The following FRMD4B variants were observed in gnomAD, a reference collection of about 807,000 sequenced individuals.
The protein encoded by FRMD4B is FERM domain-containing protein 4B.
A neutral mutation model predicts 141.5 loss-of-function variants in FRMD4B; 74 were observed. The observed-to-expected ratio is 0.52, with a 90% confidence interval of 0.43 to 0.63. The LOEUF is 0.63. Among genes scored for constraint, FRMD4B ranks in the 30% least tolerant of loss-of-function variants. The pLI, the probability that FRMD4B is intolerant of heterozygous loss-of-function variation, is 0.00. For missense variants in FRMD4B, 1,366 were observed against 1,253.4 expected, an observed-to-expected ratio of 1.09 and a Z score of -1.36; for synonymous variants, 506 against 467.9, an observed-to-expected ratio of 1.08 and a Z score of -1.05.
intron 5 of FRMD4B, among the ~76,000 whole-genome samples, chr3:69,253,788 A>C (rs558464325): frequency 6.6e-6 from 1 of 152,356 alleles, no homozygotes; most frequent in South Asian, 2.1e-4. Context: ...TCTTCAATAA[A>C]TAAAAACAGT....
chr3:69,202,163 A>T (rs148073473), intron 11 of FRMD4B, among the ~76,000 whole-genome samples: 1 of 152,238 alleles, frequency 6.6e-6, no homozygotes, highest in East Asian at 1.9e-4. Flanking sequence ...AGATCGCACC[A>T]CTGCACTCCA....
At position 69,287,805 on chromosome 3, in the gene FRMD4B, C is replaced by A; in HGVS notation, c.448G>T (p.Asp150Tyr). 1 of 1,594,782 alleles carries A rather than the reference C, an allele frequency of 6.3e-7. No homozygotes were observed. Among genetic ancestry groups the A allele is most frequent in the African/African-American group, 1.3e-5 (1 of 74,406 alleles). The change falls in exon 5 of 23, where the codon GAT (aspartate) becomes TAT (tyrosine). Residue 150 changes from aspartate (D) to tyrosine (Y), a missense_variant. Coordinates refer to ENST00000398540, the MANE Select transcript of FRMD4B (RefSeq NM_015123.3). ...FYIESISFLK[D>Y]KTTVELFFLN... ...AAAAACAGCTCCACGGTGGTTTTAT[C>A]CTTTAAAAACGATATGCTCTCAATG...
intron 1 of FRMD4B, among the ~76,000 whole-genome samples, chr3:69,341,702 G>C (rs1702743848): frequency 2.0e-5 from 3 of 152,178 alleles, no homozygotes; most frequent in Non-Finnish European, 4.4e-5. Context: ...AGGCCTTTAG[G>C]AGGTGGTTAA....
At chr3:69,452,269 G>A (rs2106891471) in intron 1 of FRMD4B, among the ~76,000 whole-genome samples, 1 of 152,384 alleles carries the variant, frequency 6.6e-6, no homozygotes, top group East Asian at 1.9e-4. Flanking sequence ...TAATAAGTGT[G>A]TATATACAAA....
At chr3:69,211,711 C>T (rs2093081840) in intron 11 of FRMD4B, among the ~76,000 whole-genome samples, 1 of 152,128 alleles carries the variant, frequency 6.6e-6, no homozygotes. Flanking sequence ...ACCTTAAGGC[C>T]TCTCATTATA....
chr3:69,313,387 C>T, intron 2 of FRMD4B, 65 bp downstream of exon 2: 1 of 1,009,382 alleles, frequency 9.9e-7, no homozygotes, highest in Non-Finnish European at 1.5e-6. Flanking sequence ...ATGAGCTGTC[C>T]CCGTGAGGGT....
chr3:69,213,844 T>C (rs1212707131), intron 11 of FRMD4B, among the ~76,000 whole-genome samples: 1 of 151,878 alleles, frequency 6.6e-6, no homozygotes, highest in Non-Finnish European at 1.5e-5. Flanking sequence ...TTAAGTTTTC[T>C]TTTTCTTTTT....
At chr3:69,515,695 G>A (rs572269067) in intron 1 of FRMD4B, among the ~76,000 whole-genome samples, 2 of 152,164 alleles carry the variant, frequency 1.3e-5, no homozygotes, top group South Asian at 2.1e-4. Flanking sequence ...TATAGAATAT[G>A]TATCTAAAGA....
At chr3:69,219,247 T>C (rs1559727524) in intron 9 of FRMD4B, among the ~76,000 whole-genome samples, 3 of 152,146 alleles carry the variant, frequency 2.0e-5, no homozygotes, top group Admixed American at 1.3e-4. Flanking sequence ...GTGTTTATTG[T>C]ACACCTTTAA....
At chr3:69,509,339 T>C (rs372997640) in intron 1 of FRMD4B, among the ~76,000 whole-genome samples, 2 of 152,220 alleles carry the variant, frequency 1.3e-5, no homozygotes, top group East Asian at 3.8e-4. Context: ...AACAGAAACA[T>C]TCATCAGAAT....
intron 2 of FRMD4B, 38 bp from the exon 3 acceptor site, chr3:69,311,395 G>A (rs1248923203): frequency 9.7e-7 from 1 of 1,027,972 alleles, no homozygotes; most frequent in African/African-American, 1.6e-5. Flanking sequence ...CAATTTGGTT[G>A]CCTCTCTCTT....
At chr3:69,252,399 G>T (rs991993722) in intron 5 of FRMD4B, among the ~76,000 whole-genome samples, 1 of 152,138 alleles carries the variant, frequency 6.6e-6, no homozygotes, top group African/African-American at 2.4e-5. Flanking sequence ...GTGACGGTGC[G>T]GTGAAGGAGT....
At chr3:69,200,708 T>A in intron 11 of FRMD4B, 1 of 1,280,840 alleles carries the variant, frequency 7.8e-7, no homozygotes, top group Non-Finnish European at 1.0e-6. Flanking sequence ...TGGAGGGCAG[T>A]TGGGATTTGC....
intron 1 of FRMD4B, among the ~76,000 whole-genome samples, chr3:69,353,246 A>G (rs9862455): frequency 0.022 from 3,363 of 152,310 alleles, 111 homozygotes; most frequent in African/African-American, 0.075. Flanking sequence ...CATTAAAACA[A>G]TGACAGGAAA....
intron 1 of FRMD4B, among the ~76,000 whole-genome samples, chr3:69,433,846 C>T (rs1376169172): frequency 6.6e-6 from 1 of 152,146 alleles, no homozygotes; most frequent in East Asian, 1.9e-4. Flanking sequence ...ACCCAGTTAT[C>T]CTCTTGGTCC....
intron 1 of FRMD4B, among the ~76,000 whole-genome samples, chr3:69,350,634 C>T (rs1436260874): frequency 6.6e-6 from 1 of 152,116 alleles, no homozygotes; most frequent in East Asian, 1.9e-4. Flanking sequence ...CCATGGAATA[C>T]TGTGCAGCCA....
intron 1 of FRMD4B, among the ~76,000 whole-genome samples, chr3:69,444,523 C>T (rs1705384496): frequency 6.6e-6 from 1 of 152,052 alleles, no homozygotes; most frequent in Non-Finnish European, 1.5e-5. Context: ...AAAGTGCATT[C>T]CAGCTCTATC....
At chr3:69,341,135 T>C (rs535712604) in intron 1 of FRMD4B, among the ~76,000 whole-genome samples, 1 of 152,194 alleles carries the variant, frequency 6.6e-6, no homozygotes, top group Non-Finnish European at 1.5e-5. Context: ...AAAAGAATAC[T>C]GTAAAGCAAG....
chr3:69,343,906 A>G (rs746759524), intron 1 of FRMD4B, among the ~76,000 whole-genome samples: 7 of 152,102 alleles, frequency 4.6e-5, no homozygotes, highest in Non-Finnish European at 8.8e-5. Flanking sequence ...ATACTCCCCA[A>G]GAGTGAGTTG....
Sources: allele counts gnomAD v4.1 joint callset (sites outside exome capture counted in the v4.1 genomes callset), GRCh38; gene constraint gnomAD v4.1.1; transcripts MANE v1.5; gene names NCBI Gene and HGNC (gene_info 2026-07-23, HGNC 2026-07-21).